The following ZYG11A variants were observed in gnomAD, a reference collection of about 807,000 sequenced individuals.
ZYG11A encodes the protein protein zyg-11 homolog A.
A neutral mutation model predicts 77.2 loss-of-function variants in ZYG11A; 62 were observed. The observed-to-expected ratio is 0.80, with a 90% CI of 0.65 to 0.99. The LOEUF (loss-of-function observed/expected upper bound fraction) is 0.99. ZYG11A is among the 50% of genes least tolerant of loss of function. The pLI, the probability that ZYG11A is intolerant of heterozygous loss-of-function variation, is 0.00. For missense variants in ZYG11A, 828 were observed against 896.8 expected (o/e 0.92, Z 0.98); for synonymous variants, 315 against 324.6 (o/e 0.97, Z 0.32).
chr1:52,846,310 TTATATATATA>T (rs869093943), intron 1 of ZYG11A, among the ~76,000 whole-genome samples: 113 of 35,708 alleles, frequency 3.2e-3, no homozygotes, highest in Middle Eastern at 0.011. Flanking sequence ...TTTTAAATTT[TTATATATATA>T]TATATATATA....
intron 1 of ZYG11A, among the ~76,000 whole-genome samples, chr1:52,846,767 T>C (rs1645593239): frequency 6.6e-6 from 1 of 152,158 alleles, no homozygotes; most frequent in Non-Finnish European, 1.5e-5. Flanking sequence ...TGTTGATAGA[T>C]ATAACCCAAT....
At chr1:52,872,603 A>G (rs1372609742) in intron 8 of ZYG11A, among the ~76,000 whole-genome samples, 1 of 149,444 alleles carries the variant, frequency 6.7e-6, no homozygotes, top group Non-Finnish European at 1.5e-5. Context: ...TTTTGTGGCC[A>G]GGTGTGGTGG....
At position 52,854,463 on chromosome 1, in the gene ZYG11A, AG is replaced by A; in HGVS notation, c.91del. 6.5e-7 allele frequency: 1 copy of A among 1,528,402 alleles called. No homozygotes were observed. The highest frequency in any genetic ancestry group is 8.8e-7 in the Non-Finnish European group (1 of 1,131,974). The allele number at this position is 1,528,402 out of a possible 1,614,324, so 94.7% of individuals were successfully genotyped here. A position where few individuals can be genotyped will look rare whatever the true frequency, so the allele number is the denominator to read the frequency against. ...AAGTTTGTTTGGGGTTTTGTTTGCTAGGAAGAGGCATCTCCCTACACTTTGG... is the reference window on the plus strand; with the variant it reads ...AAGTTTGTTTGGGGTTTTGTTTGCTAGAAGAGGCATCTCCCTACACTTTGG... On this transcript the variant is annotated splice_acceptor_variant, in intron 1 of 13. Transcript: ENST00000371528. LOFTEE classifies it high-confidence loss of function.
At chr1:52,878,136 A>G (rs1262362790) in intron 10 of ZYG11A, among the ~76,000 whole-genome samples, 167 bp downstream of exon 10, 1 of 152,208 alleles carries the variant, frequency 6.6e-6, no homozygotes, top group Non-Finnish European at 1.5e-5. Flanking sequence ...TCAGTTATCT[A>G]TTGTTGTGAA....
intron 1 of ZYG11A, among the ~76,000 whole-genome samples, chr1:52,848,118 C>T (rs768746952): frequency 1.3e-5 from 2 of 152,142 alleles, no homozygotes; most frequent in Non-Finnish European, 2.9e-5. Context: ...ATCCGCCTGC[C>T]TCAGTCTCCC....
chr1:52,866,702 T>C, intron 6 of ZYG11A, 135 bp downstream of exon 6: 1 of 543,922 alleles, frequency 1.8e-6, no homozygotes, highest in Non-Finnish European at 3.3e-6. Context: ...TGATTAGAAG[T>C]ACCCTACTAG....
chr1:52,890,386 C>T (rs569264082), intron 13 of ZYG11A, among the ~76,000 whole-genome samples: 3 of 149,492 alleles, frequency 2.0e-5, no homozygotes, highest in African/African-American at 7.4e-5. Context: ...AGGCATGCAC[C>T]ACCATACCTG....
intron 10 of ZYG11A, 85 bp downstream of exon 10, chr1:52,878,054 A>G: frequency 8.9e-7 from 1 of 1,122,772 alleles, no homozygotes; most frequent in Non-Finnish European, 1.3e-6. Flanking sequence ...GCTAGGCAGT[A>G]TTGTAAGCAA....
intron 8 of ZYG11A, among the ~76,000 whole-genome samples, chr1:52,869,964 A>AC (rs544972436): frequency 0.17 from 8,936 of 51,394 alleles, 944 homozygotes; most frequent in African/African-American, 0.24. Flanking sequence ...CGGGGGGCTG[A>AC]CCCCCCCCCA....
chr1:52,846,538 A>G (rs1403953516), intron 1 of ZYG11A, among the ~76,000 whole-genome samples: 1 of 151,416 alleles, frequency 6.6e-6, no homozygotes, highest in Non-Finnish European at 1.5e-5. Flanking sequence ...TTTTCAGTAG[A>G]GATGGGGTTT....
At chr1:52,887,280 T>C (rs1646469026) in intron 13 of ZYG11A, among the ~76,000 whole-genome samples, 1 of 152,208 alleles carries the variant, frequency 6.6e-6, no homozygotes, top group Non-Finnish European at 1.5e-5. Context: ...AGTTTGCTCC[T>C]ACTTGTATTC....
chr1:52,862,314 GTTT>G (rs1277355334), intron 4 of ZYG11A, among the ~76,000 whole-genome samples: 2 of 138,256 alleles, frequency 1.4e-5, no homozygotes. Flanking sequence ...TTTTTTTTTG[GTTT>G]TTTTTTTTTT....
intron 4 of ZYG11A, among the ~76,000 whole-genome samples, chr1:52,861,132 GA>G (rs1645919401): frequency 1.3e-5 from 2 of 152,088 alleles, no homozygotes; most frequent in Non-Finnish European, 2.9e-5. Flanking sequence ...CTTTCTGAAA[GA>G]AAACAAGTGC....
At chr1:52,886,918 G>A (rs762737576) in intron 12 of ZYG11A, 38 bp from the exon 13 acceptor site, 8 of 1,090,932 alleles carry the variant, frequency 7.3e-6, no homozygotes, top group African/African-American at 6.3e-5. Flanking sequence ...TGGCCTAACT[G>A]TTCTGGATTA....
intron 1 of ZYG11A, among the ~76,000 whole-genome samples, chr1:52,845,287 A>T (rs574853): frequency 0.49 from 72,393 of 148,216 alleles, 18,840 homozygotes; most frequent in Non-Finnish European, 0.59. Context: ...TTGCATTTGT[A>T]TGTAGCCTAA....
At chr1:52,856,475 AAAAT>A (rs1645814341) in intron 2 of ZYG11A, among the ~76,000 whole-genome samples, 4 of 147,276 alleles carry the variant, frequency 2.7e-5, no homozygotes, top group African/African-American at 1.0e-4. Flanking sequence ...AAAAAAAAAA[AAAAT>A]ATGTGTAGTA....
intron 1 of ZYG11A, among the ~76,000 whole-genome samples, chr1:52,849,481 C>T (rs1486995223): frequency 6.6e-6 from 1 of 151,410 alleles, no homozygotes; most frequent in Admixed American, 6.6e-5. Flanking sequence ...TCTCATGTCT[C>T]AGCCTCCTGA....
At chr1:52,892,521 T>G (rs1168692143) in intron 13 of ZYG11A, among the ~76,000 whole-genome samples, 1 of 150,704 alleles carries the variant, frequency 6.6e-6, no homozygotes, top group Non-Finnish European at 1.5e-5. Flanking sequence ...AGAGCAAAAC[T>G]CTGTCTCAAA....
Position 52,880,494 on chromosome 1 carries a change from G to A in ZYG11A, c.1750-977G>A, listed in dbSNP as rs111639666. Among the ~76,000 whole-genome samples, 1,043 of 152,176 alleles carry A rather than the reference G, an allele frequency of 6.9e-3. 8 individuals carry two copies. Among genetic ancestry groups the A allele is most frequent in the African/African-American group, 0.024 (985 of 41,512 alleles). Reference sequence around the variant, plus strand: ...ATCCCCTACCCTTGAGTGTGGACAGGACCTGTTTCTTGATTCTAGCCAAGG... The same window carrying A: ...ATCCCCTACCCTTGAGTGTGGACAGAACCTGTTTCTTGATTCTAGCCAAGG... On this transcript the variant is annotated intron_variant, in intron 10 of 13. Transcript: ENST00000371528.
Sources: gnomAD v4.1 joint callset for allele counts (sites outside exome capture counted in the v4.1 genomes callset) on GRCh38, gnomAD v4.1.1 for gene constraint, MANE v1.5 for transcripts, NCBI Gene and HGNC (gene_info 2026-07-23, HGNC 2026-07-21) for gene names.